The following ZNF676 variants were observed in gnomAD, a reference collection of about 807,000 sequenced individuals.
The protein encoded by ZNF676 is zinc finger protein 676.
ZNF676 carries 4 observed loss-of-function variants against 6.0 expected under a neutral mutation model. That is an observed-to-expected ratio of 0.67 (90% CI 0.33 to 1.53). The LOEUF is 1.53. ZNF676 is among the 40% of genes most tolerant of loss of function. ZNF676 has a pLI of 0.06. For synonymous variants in ZNF676, 198 were observed against 223.1 expected, an observed-to-expected ratio of 0.89 and a Z score of 1.00; for missense variants, 644 against 679.7, an observed-to-expected ratio of 0.95 and a Z score of 0.58.
intron 2 of ZNF676, among the ~76,000 whole-genome samples, chr19:22,187,404 C>T (rs1247242363): frequency 6.6e-6 from 1 of 152,032 alleles, no homozygotes; most frequent in East Asian, 1.9e-4. Flanking sequence ...ACTAAATGCC[C>T]ACAAGAGAAA....
the ZNF676 span, among the ~76,000 whole-genome samples, chr19:22,226,071 A>G: frequency 6.6e-6 from 1 of 152,020 alleles, no homozygotes; most frequent in Non-Finnish European, 1.5e-5. Context: ...TATTTTTTAT[A>G]TCTAAGTATT....
Position 22,196,821 on chromosome 19 carries a change from G to A in ZNF676, c.-188C>T. The A allele has an allele frequency of 2.6e-6, 3 of 1,137,130 alleles. No homozygotes were observed. Among genetic ancestry groups the A allele is most frequent in the East Asian group, 2.4e-5 (1 of 42,306 alleles). 70.4% of individuals were successfully genotyped at this position (1,137,130 alleles called of 1,614,324 possible). On this transcript the variant is annotated 5_prime_UTR_variant, in exon 1 of 3. Coordinates refer to ENST00000397121, the MANE Select transcript of ZNF676 (RefSeq NM_001001411.3). ...TAAAATGGAGAGAGTAGAGAGAGCT[G>A]GTTCTGACTTATATGAATGACTGAA...
chr19:22,238,842 G>A, the ZNF676 span, among the ~76,000 whole-genome samples: 2 of 152,148 alleles, frequency 1.3e-5, no homozygotes, highest in Admixed American at 1.3e-4. Context: ...GACTAGGCCA[G>A]TCTTTCTTTT....
chr19:22,181,832 A>G (rs1308475479), intron 2 of ZNF676, among the ~76,000 whole-genome samples: 1 of 152,182 alleles, frequency 6.6e-6, no homozygotes, highest in East Asian at 1.9e-4. Flanking sequence ...AAAGAGCCAC[A>G]TAGAAAACAA....
chr19:22,197,091 G>C, upstream of ZNF676: 1 of 213,430 alleles, frequency 4.7e-6, no homozygotes, highest in East Asian at 1.6e-4. Context: ...GGGAGGCTGA[G>C]GTGGGCAGAT....
intron 2 of ZNF676, among the ~76,000 whole-genome samples, chr19:22,185,180 A>G (rs1344127125): frequency 6.6e-6 from 1 of 152,132 alleles, no homozygotes; most frequent in Non-Finnish European, 1.5e-5. Flanking sequence ...AACAGGCAGC[A>G]ATCTTTGTTA....
At chr19:22,207,881 G>A (rs1464318628) in intron 1 of ZNF676, among the ~76,000 whole-genome samples, 2 of 151,482 alleles carry the variant, frequency 1.3e-5, no homozygotes, top group African/African-American at 2.4e-5. Flanking sequence ...AGAATAACTA[G>A]CTAGCACTAT....
chr19:22,207,992 A>C (rs1464518804), intron 1 of ZNF676, among the ~76,000 whole-genome samples: 2 of 151,412 alleles, frequency 1.3e-5, no homozygotes, highest in African/African-American at 2.4e-5. Flanking sequence ...ATAAAAAAAA[A>C]AAAAACAAAA....
the ZNF676 span, among the ~76,000 whole-genome samples, chr19:22,241,917 T>G: frequency 4.6e-5 from 7 of 151,674 alleles, no homozygotes; most frequent in Non-Finnish European, 2.9e-5. Context: ...TGTCCTTGTG[T>G]GAATGCAATA....
chr19:22,229,570 A>T, the ZNF676 span, among the ~76,000 whole-genome samples: 1 of 152,204 alleles, frequency 6.6e-6, no homozygotes, highest in Admixed American at 6.5e-5. Context: ...CAGGCAACCT[A>T]TGGAATGGGA....
chr19:22,198,160 T>C (rs2023989943), upstream of ZNF676, among the ~76,000 whole-genome samples: 1 of 152,194 alleles, frequency 6.6e-6, no homozygotes, highest in Non-Finnish European at 1.5e-5. Flanking sequence ...ACATTACATG[T>C]TCTCTGTCTT....
upstream of ZNF676, among the ~76,000 whole-genome samples, chr19:22,199,859 G>A (rs1277882863): frequency 6.6e-6 from 1 of 152,174 alleles, no homozygotes; most frequent in Non-Finnish European, 1.5e-5. Flanking sequence ...AATTTGTAAA[G>A]TAAGATTCTA....
chr19:22,231,728 A>G, the ZNF676 span, among the ~76,000 whole-genome samples: 1 of 150,270 alleles, frequency 6.7e-6, no homozygotes, highest in Non-Finnish European at 1.5e-5. Flanking sequence ...TCAGCCTCCC[A>G]AGTAGCTGGG....
chr19:22,208,366 C>T (rs565517784), intron 1 of ZNF676, among the ~76,000 whole-genome samples: 33 of 151,494 alleles, frequency 2.2e-4, no homozygotes, highest in Middle Eastern at 3.4e-3. Context: ...CATCACTAAT[C>T]GTTAGAGAAA....
chr19:22,214,508 A>G (rs1217327852), intron 1 of ZNF676, among the ~76,000 whole-genome samples: 3 of 150,158 alleles, frequency 2.0e-5, no homozygotes, highest in African/African-American at 4.9e-5. Context: ...CTGAGGCAGG[A>G]GAATCGCTTG....
At chr19:22,243,492 T>A in the ZNF676 span, 1 of 151,998 alleles carries the variant, frequency 6.6e-6, no homozygotes, top group Non-Finnish European at 1.5e-5. Context: ...CAGAAAACCT[T>A]GTAGGCAGGA....
chr19:22,227,020 A>G, the ZNF676 span, among the ~76,000 whole-genome samples: 1 of 152,230 alleles, frequency 6.6e-6, no homozygotes, highest in Non-Finnish European at 1.5e-5. Context: ...AAAATAACCA[A>G]ATTTTGAAAG....
the ZNF676 span, among the ~76,000 whole-genome samples, chr19:22,253,417 TG>T: frequency 8.5e-4 from 48 of 56,524 alleles, no homozygotes; most frequent in South Asian, 4.6e-3. Flanking sequence ...TATATATATA[TG>T]ATAATGTATA....
chr19:22,193,262 AT>A, intron 1 of ZNF676, 151 bp from the exon 2 acceptor site: 1 of 968,956 alleles, frequency 1.0e-6, no homozygotes, highest in South Asian at 3.1e-5. Flanking sequence ...GAAAAACGTT[AT>A]GTGCAGTTGC....
Sources: allele counts gnomAD v4.1 joint callset (sites outside exome capture counted in the v4.1 genomes callset), GRCh38; gene constraint gnomAD v4.1.1; transcripts MANE v1.5; gene names NCBI Gene and HGNC (gene_info 2026-07-23, HGNC 2026-07-21).